Variants in TUBGCP5 observed in about 807,000 individuals in gnomAD.
TUBGCP5 encodes gamma-tubulin complex component 5.
In TUBGCP5, 98 loss-of-function variants were observed where a neutral mutation model predicts 134.7. The ratio of observed to expected loss-of-function variants is 0.73; its 90% CI spans 0.62 to 0.86. The LOEUF (loss-of-function observed/expected upper bound fraction) is 0.86. TUBGCP5 is among the 40% of genes least tolerant of loss of function. The pLI is 0.00. For missense variants in TUBGCP5, 1,150 were observed against 1,244.8 expected (o/e 0.92, Z 1.15); for synonymous variants, 456 against 431.4 (o/e 1.06, Z -0.71).
At chr15:23,007,254 T>A (rs898194924) in intron 16 of TUBGCP5, among the ~76,000 whole-genome samples, 1 of 151,838 alleles carries the variant, frequency 6.6e-6, no homozygotes, top group Non-Finnish European at 1.5e-5. Context: ...TACAAAAAAT[T>A]AGCTGGGCGC....
downstream of TUBGCP5, among the ~76,000 whole-genome samples, chr15:22,994,878 G>A (rs1411687552): frequency 6.6e-6 from 1 of 152,152 alleles, no homozygotes; most frequent in Non-Finnish European, 1.5e-5. Context: ...ACTTTGGGAG[G>A]CCAGTGCAGG....
intron 1 of TUBGCP5, among the ~76,000 whole-genome samples, chr15:23,037,733 C>T (rs981695440): frequency 6.6e-6 from 1 of 152,206 alleles, no homozygotes; most frequent in Non-Finnish European, 1.5e-5. Flanking sequence ...TATGCGATTT[C>T]TACTGGTGAT....
Position 23,006,287 on chromosome 15 carries a change from C to T in TUBGCP5, c.2393G>A (p.Gly798Asp). The change falls in exon 17 of 23, where the codon GGT becomes GAT. Residue 798 changes from glycine to aspartate, a missense_variant. Transcript: ENST00000615383. ...ATATACCTTGTAGCTGAGGGTCAGA[C>T]CATCTAAGATATGAACAGGCAGCTT... Reference protein sequence around the residue: ...KKKLPVHILDGLTLSYKVPWP... With the variant: ...KKKLPVHILDDLTLSYKVPWP... 3 of 1,610,732 alleles carry T rather than the reference C, an allele frequency of 1.9e-6. No individual in the cohort carries two copies. Among genetic ancestry groups the T allele is most frequent in the Non-Finnish European group, 2.5e-6 (3 of 1,179,274 alleles).
intron 23 of TUBGCP5, among the ~76,000 whole-genome samples, chr15:22,993,092 G>C (rs1166034004): frequency 6.6e-6 from 1 of 152,138 alleles, no homozygotes; most frequent in African/African-American, 2.4e-5. Flanking sequence ...CGATGCTCAG[G>C]ATGTGATTGG....
At chr15:22,998,465 T>C (rs2064196513), downstream of TUBGCP5, among the ~76,000 whole-genome samples, 1 of 151,996 alleles carries the variant, frequency 6.6e-6, no homozygotes, top group Non-Finnish European at 1.5e-5. Context: ...CTTTCTTTCT[T>C]TTTTTTTGTT....
intron 16 of TUBGCP5, among the ~76,000 whole-genome samples, chr15:23,008,244 G>A (rs897175522): frequency 3.0e-4 from 45 of 152,016 alleles, no homozygotes; most frequent in African/African-American, 1.0e-3. Context: ...TAGCAGGAGA[G>A]TCACATAGCT....
intron 6 of TUBGCP5, 129 bp from the exon 7 acceptor site, chr15:23,027,435 TTATGTA>T: frequency 1.6e-6 from 1 of 637,966 alleles, no homozygotes; most frequent in South Asian, 1.7e-5. Context: ...TACCTAACAT[TTATGTA>T]TATATGATTA....
At position 23,003,065 on chromosome 15, in the gene TUBGCP5, C is replaced by T. The variant is rs374265973; in HGVS notation, c.2927G>A (p.Arg976Gln). The change falls in exon 21 of 23, where the codon CGA (arginine) becomes CAA (glutamine). Residue 976 changes from arginine to glutamine, a missense_variant and splice_region_variant. Transcript: ENST00000615383. ...DGWQAGLGTW[R>Q]MESIEKMESD... ...GATGCTGCAGAAATCACATACTTAC[C>T]GCCAAGTGCCCAGGCCTGCCTGCCA... 279 of 1,613,994 alleles carry T rather than the reference C, an allele frequency of 1.7e-4. 1 individual carries two copies. Among genetic ancestry groups the T allele is most frequent in the South Asian group, 7.6e-4 (69 of 91,072 alleles).
chr15:23,015,414 G>A (rs935507807), intron 13 of TUBGCP5, among the ~76,000 whole-genome samples: 1 of 150,830 alleles, frequency 6.6e-6, no homozygotes, highest in East Asian at 2.0e-4. Context: ...GGCCGAGGCG[G>A]GTGGATTGCT....
rs111710563 is a variant in TUBGCP5 at position 23,026,885 on chromosome 15, A to G, written c.737+307T>C. Among the ~76,000 whole-genome samples the G allele has an allele frequency of 7.0e-3, 1,069 of 152,262 alleles. 5 individuals carry two copies. The highest frequency in any genetic ancestry group is 0.023 in the African/African-American group (943 of 41,536). Reference sequence around the variant, plus strand: ...GAGGCAGATGTTACAGTGAGCCATGATTACGCCACTGCACTCCAGCCAGGG... The same window carrying G: ...GAGGCAGATGTTACAGTGAGCCATGGTTACGCCACTGCACTCCAGCCAGGG... On this transcript the variant is annotated intron_variant, in intron 7 of 22. Transcript: ENST00000615383.
chr15:23,000,224 A>G, intron 22 of TUBGCP5: 1 of 1,169,592 alleles, frequency 8.5e-7, no homozygotes, highest in Non-Finnish European at 1.1e-6. Context: ...TTAAATTCCT[A>G]AAAAAATTTT....
chr15:23,020,484 G>C (rs183360705), intron 11 of TUBGCP5, among the ~76,000 whole-genome samples: 3 of 151,458 alleles, frequency 2.0e-5, no homozygotes, highest in African/African-American at 7.3e-5. Flanking sequence ...TACTCAGGGG[G>C]CTGAGGCAGA....
intron 23 of TUBGCP5, among the ~76,000 whole-genome samples, chr15:22,985,909 G>A (rs907534513): frequency 6.6e-5 from 10 of 151,652 alleles, no homozygotes; most frequent in South Asian, 2.1e-4. Context: ...CGAGATGGGC[G>A]GATCACAAGG....
intron 7 of TUBGCP5, 134 bp downstream of exon 7, chr15:23,027,058 C>CAA: frequency 3.8e-5 from 22 of 577,848 alleles, no homozygotes; most frequent in Admixed American, 6.6e-5. Context: ...AATCTGTCTC[C>CAA]AAAAAAAAAA....
At chr15:23,007,649 C>G (rs920801695) in intron 16 of TUBGCP5, among the ~76,000 whole-genome samples, 1 of 152,124 alleles carries the variant, frequency 6.6e-6, no homozygotes, top group Non-Finnish European at 1.5e-5. Context: ...TAGCAGACAC[C>G]AGAAATATTC....
Position 23,037,160 on chromosome 15 carries a change from A to G in TUBGCP5, c.147-8T>C, listed in dbSNP as rs1260127597. The G allele has an allele frequency of 2.5e-6, 4 of 1,611,414 alleles. No homozygotes were observed. Among genetic ancestry groups the G allele is most frequent in the Non-Finnish European group, 3.4e-6 (4 of 1,179,632 alleles). On this transcript the variant is annotated splice_region_variant and splice_polypyrimidine_tract_variant and intron_variant, in intron 1 of 22. Coordinates refer to ENST00000615383, the MANE Select transcript of TUBGCP5 (RefSeq NM_052903.6). Reference sequence around the variant, plus strand: ...TCCAAGAAACGATGAAATCTATTAAAGACAAAATGCAATTCTTATGCCAAC... The same window carrying G: ...TCCAAGAAACGATGAAATCTATTAAGGACAAAATGCAATTCTTATGCCAAC...
intron 9 of TUBGCP5, chr15:23,024,399 C>A: frequency 1.8e-6 from 1 of 541,416 alleles, no homozygotes; most frequent in South Asian, 4.2e-5. Context: ...AGAATTATGG[C>A]TTATATTTTT....
In TUBGCP5 at chr15:22,983,326, T is replaced by A. The variant is rs117934055; in HGVS notation, c.*347A>T. 9 of 147,576 alleles carry A rather than the reference T, an allele frequency of 6.1e-5. No individual in the cohort carries two copies. The South Asian group carries it at 1.5e-3, about 25-fold the overall frequency. The allele number at this position is 147,576 out of a possible 1,614,324, so 9.1% of individuals were successfully genotyped here. A position where few individuals can be genotyped will look rare whatever the true frequency, so the allele number is the denominator to read the frequency against. On this transcript the variant is annotated 3_prime_UTR_variant and NMD_transcript_variant, in exon 24 of 24. Transcript: ENST00000614508. ...AAAGGGTCAAAATTATTTACAGTAGTTCCCACCTCATCTTCTGGGGGATAA... is the reference window on the plus strand; with the variant it reads ...AAAGGGTCAAAATTATTTACAGTAGATCCCACCTCATCTTCTGGGGGATAA...
chr15:23,008,304 TCGC>T (rs2064841091), intron 16 of TUBGCP5, among the ~76,000 whole-genome samples: 1 of 152,120 alleles, frequency 6.6e-6, no homozygotes, highest in Non-Finnish European at 1.5e-5. Flanking sequence ...CTCGTTCTTG[TCGC>T]CCAGGCTGGA....
Sources: allele counts gnomAD v4.1 joint callset (sites outside exome capture counted in the v4.1 genomes callset), GRCh38; gene constraint gnomAD v4.1.1; transcripts MANE v1.5; gene names NCBI Gene and HGNC (gene_info 2026-07-23, HGNC 2026-07-21).